Variants in ARFGEF2 observed in about 807,000 individuals in gnomAD.
ARFGEF2 encodes the protein brefeldin A-inhibited guanine nucleotide-exchange protein 2.
Under a neutral mutation model 219.9 loss-of-function variants are expected in ARFGEF2, and 74 were observed. The ratio of observed to expected loss-of-function variants is 0.34; its 90% CI spans 0.28 to 0.41. The LOEUF (loss-of-function observed/expected upper bound fraction) is 0.41, where lower values mean the gene tolerates loss of function less well. Ranked by LOEUF, ARFGEF2 falls within the 10% of genes least tolerant of loss-of-function variation. ARFGEF2 has a pLI of 1.00. For missense variants in ARFGEF2, 1,743 were observed against 2,218.3 expected (o/e 0.79, Z 4.30); for synonymous variants, 733 against 799.2 (o/e 0.92, Z 1.40).
At chr20:48,950,794 TAAAAAAA>T (rs1308938052) in intron 3 of ARFGEF2, among the ~76,000 whole-genome samples, 1 of 35,930 alleles carries the variant, frequency 2.8e-5, no homozygotes, top group Middle Eastern at 0.017. Flanking sequence ...AGACCCTGTC[TAAAAAAA>T]AAAAAAAAAA....
intron 14 of ARFGEF2, among the ~76,000 whole-genome samples, chr20:48,978,036 T>A (rs912325991): frequency 1.3e-5 from 2 of 152,194 alleles, no homozygotes; most frequent in African/African-American, 2.4e-5. Flanking sequence ...GGTGTTTTAG[T>A]CATGAAGTCC....
chr20:48,994,070 G>A (rs772998867), intron 21 of ARFGEF2, among the ~76,000 whole-genome samples: 1 of 152,208 alleles, frequency 6.6e-6, no homozygotes, highest in African/African-American at 2.4e-5. Context: ...GCTGGGAATT[G>A]AAGGAGTGAG....
intron 22 of ARFGEF2, 146 bp downstream of exon 22, chr20:48,994,744 G>C: frequency 1.6e-6 from 2 of 1,215,502 alleles, no homozygotes; most frequent in Non-Finnish European, 2.3e-6. Flanking sequence ...TGGACGTGCT[G>C]CTTTGGCCTC....
chr20:48,936,216 C>T (rs569445798), intron 1 of ARFGEF2, among the ~76,000 whole-genome samples: 2 of 144,682 alleles, frequency 1.4e-5, no homozygotes, highest in Admixed American at 6.7e-5. Flanking sequence ...AGGCGCCCCT[C>T]ACCTCCCGGA....
At chr20:48,951,548 T>C in intron 4 of ARFGEF2, 79 bp downstream of exon 4, 1 of 1,585,732 alleles carries the variant, frequency 6.3e-7, no homozygotes, top group Non-Finnish European at 8.7e-7. Flanking sequence ...TAATTTACTA[T>C]GTGTTAGTTG....
At chr20:49,013,793 A>G (rs372947868) in intron 29 of ARFGEF2, 38 bp from the exon 30 acceptor site, 23 of 1,613,868 alleles carry the variant, frequency 1.4e-5, no homozygotes, top group African/African-American at 5.3e-5. Flanking sequence ...TCTCTTCTCC[A>G]CCATTCTCTC....
chr20:48,925,047 T>A, intron 1 of ARFGEF2, among the ~76,000 whole-genome samples: 1 of 152,188 alleles, frequency 6.6e-6, no homozygotes, highest in East Asian at 1.9e-4. Context: ...ACTGCTCTAT[T>A]TGGTTTGTAG....
chr20:48,967,981 T>A (rs1251005482), intron 8 of ARFGEF2, among the ~76,000 whole-genome samples: 1 of 152,178 alleles, frequency 6.6e-6, no homozygotes, highest in Non-Finnish European at 1.5e-5. Context: ...ATCTTTATTA[T>A]ATGTTTTTAA....
rs926601633 is a variant in ARFGEF2, at chr20:48,953,222, C to T, written c.604-334C>T. On this transcript the variant is annotated intron_variant, in intron 5 of 38. Coordinates refer to ENST00000371917, the MANE Select transcript of ARFGEF2 (RefSeq NM_006420.3). The stretch of plus-strand genomic sequence containing the variant: ...AGAGGGTCTTGTTCTGTTATCCAAG[C>T]TGGAGCGCAGTGACAGGATCATGGC... Among the ~76,000 whole-genome samples the T allele has an allele frequency of 7.5e-5, 11 of 146,676 alleles. No individual in the cohort carries two copies. The Admixed American group carries it at 7.7e-4, about 10-fold the overall frequency.
Position 49,010,413 on chromosome 20 carries a change from C to T in ARFGEF2, c.3757+9C>T, listed in dbSNP as rs1201948094. On this transcript the variant is annotated intron_variant, in intron 27 of 38. Coordinates refer to ENST00000371917, the MANE Select transcript of ARFGEF2 (RefSeq NM_006420.3). ...CACTTGCCACATTGTCAGTAAGTGG[C>T]TCTGTTCCCTCCCTACTAATGTCCC... 6.2e-7 allele frequency: 1 copy of T among 1,613,122 alleles called. No homozygotes were observed. The highest frequency in any genetic ancestry group is 2.2e-5 in the East Asian group (1 of 44,882).
At chr20:48,930,722 A>G (rs948340995) in intron 1 of ARFGEF2, among the ~76,000 whole-genome samples, 3 of 152,146 alleles carry the variant, frequency 2.0e-5, no homozygotes, top group Non-Finnish European at 4.4e-5. Context: ...GGCCAGTTGT[A>G]TGAGCCTGAT....
chr20:49,024,385 G>A (rs774089682), intron 35 of ARFGEF2, among the ~76,000 whole-genome samples: 4 of 152,214 alleles, frequency 2.6e-5, no homozygotes, highest in Non-Finnish European at 4.4e-5. Flanking sequence ...TCCTGTGAGA[G>A]TGAGTGAGTG....
Position 48,991,031 on chromosome 20 carries a change from C to G in ARFGEF2, c.2815-9C>G. 1 of 1,613,364 alleles carries G rather than the reference C, an allele frequency of 6.2e-7. No individual in the cohort carries two copies. The stretch of plus-strand genomic sequence containing the variant: ...AGTCACAGTGTTCTCTCTTGGGTTT[C>G]TGTTACAGCTGGAACGAGATGCCTA... On this transcript the variant is annotated splice_polypyrimidine_tract_variant and intron_variant, in intron 20 of 38. Transcript: ENST00000371917.
intron 14 of ARFGEF2, among the ~76,000 whole-genome samples, chr20:48,978,540 A>C (rs937610328): frequency 1.3e-5 from 2 of 152,150 alleles, no homozygotes; most frequent in Non-Finnish European, 2.9e-5. Flanking sequence ...GATGGCATTG[A>C]ATCTATAAAT....
intron 31 of ARFGEF2, 21 bp from the exon 32 acceptor site, chr20:49,017,228 A>G: frequency 6.2e-7 from 1 of 1,613,124 alleles, no homozygotes; most frequent in Non-Finnish European, 8.5e-7. Context: ...GTTTAATGAT[A>G]GATACTGCTT....
At chr20:48,982,141 T>C (rs2091299531) in intron 14 of ARFGEF2, among the ~76,000 whole-genome samples, 1 of 152,240 alleles carries the variant, frequency 6.6e-6, no homozygotes, top group Admixed American at 6.5e-5. Flanking sequence ...TGGTCTTTGA[T>C]GCTGGTGACC....
Position 48,975,800 on chromosome 20 carries a change from C to CAAAAAAAAA in ARFGEF2, c.1775-212_1775-204dup, listed in dbSNP as rs1057511883. 1.6e-3 allele frequency among the ~76,000 whole-genome samples: 175 copies of CAAAAAAAAA among 112,074 alleles called. 5 individuals carry two copies. Among genetic ancestry groups the CAAAAAAAAA allele is most frequent in the Middle Eastern group, 4.2e-3 (1 of 236 alleles). 73.5% of individuals were successfully genotyped at this position (112,074 alleles called of 152,430 possible). A position where few individuals can be genotyped will look rare whatever the true frequency, so the allele number is the denominator to read the frequency against. On this transcript the variant is annotated intron_variant, in intron 13 of 38. Transcript: ENST00000371917. ...AGGGTGACAGTGCGAGACTCCATCT[C>CAAAAAAAAA]AAAAAAAAAAAAGAATTAGCTCATC...
rs2091652727 is a variant in ARFGEF2, at chr20:49,034,058, A to G, written c.*859A>G. 6.6e-6 allele frequency: 1 copy of G among 152,250 alleles called. No homozygotes were observed. The highest frequency in any genetic ancestry group is 1.5e-5 in the Non-Finnish European group (1 of 68,050). 9.4% of individuals were successfully genotyped at this position (152,250 alleles called of 1,614,324 possible). On this transcript the variant is annotated 3_prime_UTR_variant, in exon 39 of 39. Transcript: ENST00000371917. ...ATCTAATATATGAAGTAGTAATGAA[A>G]ATGAAGTAGTAATTTAACCAGAGTT...
At chr20:48,989,766 AT>A in intron 20 of ARFGEF2, 82 bp downstream of exon 20, 1 of 1,594,624 alleles carries the variant, frequency 6.3e-7, no homozygotes. Context: ...ATTATCAGAA[AT>A]TTTCAGTTAA....
Sources: gnomAD v4.1 joint callset for allele counts (sites outside exome capture counted in the v4.1 genomes callset) on GRCh38, gnomAD v4.1.1 for gene constraint, MANE v1.5 for transcripts, NCBI Gene and HGNC (gene_info 2026-07-23, HGNC 2026-07-21) for gene names.